The following GPM6A variants were observed in gnomAD, a reference collection of about 807,000 sequenced individuals.
GPM6A encodes the protein glycoprotein M6A, also known as neuronal membrane glycoprotein M6-a.
Under a neutral mutation model 32.1 loss-of-function variants are expected in GPM6A, and 7 were observed. The observed-to-expected ratio is 0.22, with a 90% CI of 0.12 to 0.41. GPM6A has a LOEUF of 0.41. Ranked by LOEUF, GPM6A falls within the 10% of genes least tolerant of loss-of-function variation. The pLI is 1.00. For synonymous variants in GPM6A, 130 were observed against 123.4 expected, an observed-to-expected ratio of 1.05 and a Z score of -0.35; for missense variants, 235 against 347.2, an observed-to-expected ratio of 0.68 and a Z score of 2.57.
intron 6 of GPM6A, among the ~76,000 whole-genome samples, chr4:175,637,670 A>AT (rs1464096861): frequency 0.035 from 48 of 1,358 alleles, no homozygotes; most frequent in African/African-American, 0.062. Flanking sequence ...TATATAATAT[A>AT]TATAATATAT....
intron 1 of GPM6A, among the ~76,000 whole-genome samples, chr4:175,878,024 C>A (rs1057427498): frequency 1.3e-5 from 2 of 152,230 alleles, no homozygotes; most frequent in Non-Finnish European, 2.9e-5. Flanking sequence ...TCCAACAGGG[C>A]AGTCAAATAT....
chr4:175,696,251 C>T (rs1289663423), intron 2 of GPM6A, among the ~76,000 whole-genome samples: 2 of 152,072 alleles, frequency 1.3e-5, no homozygotes, highest in African/African-American at 4.8e-5. Context: ...TAATACATCC[C>T]TTTTACTGAT....
intron 3 of GPM6A, among the ~76,000 whole-genome samples, chr4:175,657,237 T>G (rs1447406272): frequency 2.0e-5 from 3 of 152,186 alleles, no homozygotes; most frequent in Non-Finnish European, 2.9e-5. Flanking sequence ...GCAGAAATAG[T>G]TCAGAGTTTA....
At chr4:175,792,444 G>A (rs1445772337) in intron 1 of GPM6A, among the ~76,000 whole-genome samples, 2 of 151,970 alleles carry the variant, frequency 1.3e-5, no homozygotes, top group Non-Finnish European at 2.9e-5. Context: ...AAAAAGAAGA[G>A]GCAACCCTAT....
intron 1 of GPM6A, among the ~76,000 whole-genome samples, chr4:175,840,245 TTAAAG>T (rs1162903827): frequency 2.0e-5 from 3 of 152,200 alleles, no homozygotes; most frequent in Non-Finnish European, 2.9e-5. Flanking sequence ...ATTTCAATCT[TTAAAG>T]TATTTACTTA....
intron 1 of GPM6A, among the ~76,000 whole-genome samples, chr4:175,715,529 C>T (rs538448478): frequency 6.6e-6 from 1 of 152,228 alleles, no homozygotes; most frequent in South Asian, 2.1e-4. Flanking sequence ...TCACAGGCAG[C>T]TCAGATTCAG....
chr4:175,820,617 C>T lies in GPM6A; in HGVS notation c.-22-8368G>A, dbSNP rs1204358041. Among the ~76,000 whole-genome samples, 4 of 150,634 alleles carry T rather than the reference C, an allele frequency of 2.7e-5. No homozygotes were observed. The South Asian group carries it at 6.3e-4, about 24-fold the overall frequency. ...CCGGGTTCAAGTGATTCTCCTGCCTCAGCCTCCCAAGTACTGGGATTACAG... is the reference window on the plus strand; with the variant it reads ...CCGGGTTCAAGTGATTCTCCTGCCTTAGCCTCCCAAGTACTGGGATTACAG... On this transcript the variant is annotated intron_variant, in intron 1 of 7. Transcript: ENST00000280187.
chr4:175,932,202 G>A (rs920932854), intron 1 of GPM6A, among the ~76,000 whole-genome samples: 3 of 152,128 alleles, frequency 2.0e-5, no homozygotes, highest in Admixed American at 1.3e-4. Flanking sequence ...CAAAATGCAG[G>A]TGTTGCCAGT....
chr4:175,747,196 G>A (rs563477006), intron 1 of GPM6A, among the ~76,000 whole-genome samples: 1 of 150,532 alleles, frequency 6.6e-6, no homozygotes, highest in Non-Finnish European at 1.5e-5. Context: ...CTTGAACCGA[G>A]GTGGCAGAAG....
intron 1 of GPM6A, among the ~76,000 whole-genome samples, chr4:176,001,187 G>A (rs930012574): frequency 7.2e-5 from 11 of 152,102 alleles, no homozygotes; most frequent in African/African-American, 2.4e-4. Context: ...ATTTCAACCC[G>A]AGCACGTCAG....
intron 1 of GPM6A, among the ~76,000 whole-genome samples, chr4:175,895,710 T>C (rs925967344): frequency 2.6e-5 from 4 of 152,210 alleles, no homozygotes; most frequent in African/African-American, 7.2e-5. Context: ...CTTAATAACA[T>C]AGAAATTGTT....
rs28541699 is a variant in GPM6A, at chr4:175,835,068, C to T, written c.-22-22819G>A. Among the ~76,000 whole-genome samples the T allele has an allele frequency of 8.9e-3, 1,349 of 152,226 alleles. 23 individuals are homozygous for T. Among genetic ancestry groups the T allele is most frequent in the African/African-American group, 0.03 (1,252 of 41,532 alleles). On this transcript the variant is annotated intron_variant, in intron 1 of 7. Coordinates refer to the GPM6A transcript ENST00000280187. Reference sequence around the variant, plus strand: ...TCATGCCTTGAGAAGACAGTGCTGCCGAACTTTACCAGATTATCTTGGGCG... The same window carrying T: ...TCATGCCTTGAGAAGACAGTGCTGCTGAACTTTACCAGATTATCTTGGGCG...
intron 1 of GPM6A, among the ~76,000 whole-genome samples, chr4:175,736,757 AATTAT>A: frequency 6.6e-6 from 1 of 152,348 alleles, no homozygotes; most frequent in South Asian, 2.1e-4. Flanking sequence ...TATAAATGCA[AATTAT>A]ATTGCATTGA....
intron 2 of GPM6A, among the ~76,000 whole-genome samples, chr4:175,687,579 T>C (rs1309774543): frequency 6.6e-6 from 1 of 152,094 alleles, no homozygotes; most frequent in Non-Finnish European, 1.5e-5. Context: ...CATCTATCCA[T>C]GTACATTTTG....
intron 1 of GPM6A, among the ~76,000 whole-genome samples, chr4:175,976,191 C>T (rs1263982093): frequency 4.9e-5 from 7 of 144,020 alleles, no homozygotes; most frequent in Admixed American, 1.4e-4. Flanking sequence ...ACGGAGTCTT[C>T]CTGTGTCGCC....
intron 6 of GPM6A, 111 bp downstream of exon 6, chr4:175,640,018 A>G: frequency 1.1e-6 from 1 of 873,758 alleles, no homozygotes; most frequent in Non-Finnish European, 2.0e-6. Flanking sequence ...ATCTGATGAC[A>G]TAAATGTGTT....
chr4:175,941,765 T>C (rs978902015), intron 1 of GPM6A, among the ~76,000 whole-genome samples: 1 of 152,238 alleles, frequency 6.6e-6, no homozygotes, highest in African/African-American at 2.4e-5. Context: ...GTGCCACATT[T>C]TCTTTATCCA....
chr4:175,981,093 T>C (rs1249785161), intron 1 of GPM6A, among the ~76,000 whole-genome samples: 2 of 152,162 alleles, frequency 1.3e-5, no homozygotes, highest in African/African-American at 4.8e-5. Context: ...GGGAAAGTGT[T>C]ATCTAGAGGT....
intron 1 of GPM6A, among the ~76,000 whole-genome samples, chr4:175,738,227 C>T (rs531739990): frequency 6.6e-5 from 10 of 152,150 alleles, no homozygotes; most frequent in Middle Eastern, 3.4e-3. Context: ...CATGAGTTAC[C>T]GCGTCTGGCT....
Sources: allele counts gnomAD v4.1 joint callset (sites outside exome capture counted in the v4.1 genomes callset), GRCh38; gene constraint gnomAD v4.1.1; transcripts MANE v1.5; gene names NCBI Gene and HGNC (gene_info 2026-07-23, HGNC 2026-07-21).